ZHX2: variants seen among roughly 807,000 people sequenced by gnomAD.
ZHX2 encodes the protein zinc fingers and homeoboxes protein 2.
ZHX2 carries 6 observed loss-of-function variants against 21.9 expected under a neutral mutation model. The ratio of observed to expected loss-of-function variants is 0.27; its 90% CI spans 0.15 to 0.54. The LOEUF (loss-of-function observed/expected upper bound fraction) is 0.54, where lower values mean the gene tolerates loss of function less well. Ranked by LOEUF, ZHX2 falls within the 20% of genes least tolerant of loss-of-function variation. ZHX2 has a pLI of 0.95. For synonymous variants in ZHX2, 434 were observed against 437.1 expected, an observed-to-expected ratio of 0.99 and a Z score of 0.09; for missense variants, 908 against 1,090.7, an observed-to-expected ratio of 0.83 and a Z score of 2.36.
intron 2 of ZHX2, among the ~76,000 whole-genome samples, chr8:122,910,679 C>T (rs1471908014): frequency 2.0e-5 from 3 of 152,104 alleles, no homozygotes; most frequent in Admixed American, 6.5e-5. Flanking sequence ...GACCAACCCT[C>T]ACCCTGGAGG....
chr8:122,971,620 A>AATAAAAAATAAAAATTAAAAAAT (rs773947648), intron 3 of ZHX2, among the ~76,000 whole-genome samples: 5 of 149,694 alleles, frequency 3.3e-5, no homozygotes, highest in Non-Finnish European at 5.9e-5. Context: ...ACAAAAAAAA[A>AATAAAAAATAAAAATTAAAAAAT]AAAAAAAAAA....
chr8:122,801,534 T>C (rs1326616416), intron 1 of ZHX2, among the ~76,000 whole-genome samples: 1 of 149,222 alleles, frequency 6.7e-6, no homozygotes, highest in Non-Finnish European at 1.5e-5. Flanking sequence ...ACTGCTTGAG[T>C]GCCCAGCAGT....
intron 2 of ZHX2, among the ~76,000 whole-genome samples, chr8:122,941,349 C>T (rs761744505): frequency 6.6e-6 from 1 of 152,162 alleles, no homozygotes; most frequent in African/African-American, 2.4e-5. Context: ...AAAATGTGTC[C>T]GTTTGAGCAA....
intron 2 of ZHX2, among the ~76,000 whole-genome samples, chr8:122,948,414 C>T (rs1052219598): frequency 5.9e-5 from 9 of 152,130 alleles, no homozygotes. Context: ...CAAATTGTTC[C>T]TGTACTTCCA....
chr8:122,849,515 C>CT (rs1003886772), intron 1 of ZHX2, among the ~76,000 whole-genome samples: 16 of 152,102 alleles, frequency 1.1e-4, no homozygotes, highest in African/African-American at 1.4e-4. Flanking sequence ...TAGGGAACAT[C>CT]TTTTTTTTGC....
At chr8:122,859,362 A>G (rs1819107811) in intron 1 of ZHX2, among the ~76,000 whole-genome samples, 1 of 152,212 alleles carries the variant, frequency 6.6e-6, no homozygotes, top group Admixed American at 6.5e-5. Flanking sequence ...TAGTCAGTTG[A>G]GGATAATAAT....
At chr8:122,833,772 G>A (rs1818434523) in intron 1 of ZHX2, among the ~76,000 whole-genome samples, 1 of 152,108 alleles carries the variant, frequency 6.6e-6, no homozygotes, top group African/African-American at 2.4e-5. Context: ...CGAGGCGGGT[G>A]GATCACGAGG....
At chr8:122,850,454 A>C (rs1034990517) in intron 1 of ZHX2, among the ~76,000 whole-genome samples, 6 of 152,100 alleles carry the variant, frequency 3.9e-5, no homozygotes, top group African/African-American at 1.4e-4. Flanking sequence ...CCTGGCCAAC[A>C]TGGCGAAACC....
chr8:122,971,082 T>G (rs1472081027), intron 3 of ZHX2, among the ~76,000 whole-genome samples: 1 of 152,210 alleles, frequency 6.6e-6, no homozygotes, highest in Non-Finnish European at 1.5e-5. Context: ...AAGCCTCCAT[T>G]TCTTCGCTAT....
intron 2 of ZHX2, among the ~76,000 whole-genome samples, chr8:122,923,865 G>A (rs1820792082): frequency 6.6e-6 from 1 of 152,168 alleles, no homozygotes. Flanking sequence ...ACAGATTCCT[G>A]TCGATAACCA....
At position 122,947,092 on chromosome 8, in the gene ZHX2, CAAAAAAA is replaced by C. The variant is rs57090731; in HGVS notation, c.-219-4182_-219-4176del. On this transcript the variant is annotated intron_variant, in intron 2 of 3. Transcript: ENST00000314393. ...GCAACAGGGTGAAATCCTGTCTTTG[CAAAAAAA>C]AAAAAAAAAAAAAAAAATTAGTCAG... Among the ~76,000 whole-genome samples the C allele has an allele frequency of 3.9e-3, 265 of 67,274 alleles. 1 individual carries two copies. Among genetic ancestry groups the C allele is most frequent in the East Asian group, 0.037 (71 of 1,942 alleles). 44.1% of individuals were successfully genotyped at this position (67,274 alleles called of 152,430 possible).
At chr8:122,786,150 C>T (rs749072061) in intron 1 of ZHX2, among the ~76,000 whole-genome samples, 1 of 152,170 alleles carries the variant, frequency 6.6e-6, no homozygotes, top group Non-Finnish European at 1.5e-5. Context: ...ATCAGCTCTC[C>T]TTTCTGGATA....
chr8:122,911,116 G>C (rs572185161), intron 2 of ZHX2, among the ~76,000 whole-genome samples: 1 of 152,304 alleles, frequency 6.6e-6, no homozygotes, highest in East Asian at 1.9e-4. Flanking sequence ...ACACACGCAG[G>C]ATGGCCTCAT....
intron 1 of ZHX2, among the ~76,000 whole-genome samples, chr8:122,831,176 A>G (rs1183485494): frequency 6.6e-6 from 1 of 152,208 alleles, no homozygotes; most frequent in Non-Finnish European, 1.5e-5. Context: ...GAAAGTACAG[A>G]CAAAGACTAG....
chr8:122,833,785 A>T (rs1300721753), intron 1 of ZHX2, among the ~76,000 whole-genome samples: 4 of 152,140 alleles, frequency 2.6e-5, no homozygotes, highest in African/African-American at 7.2e-5. Context: ...TCACGAGGTC[A>T]GGAGATCGAG....
intron 2 of ZHX2, among the ~76,000 whole-genome samples, chr8:122,926,565 C>T (rs1047280736): frequency 4.6e-5 from 7 of 152,150 alleles, no homozygotes; most frequent in African/African-American, 7.2e-5. Flanking sequence ...TGCAGTTGTT[C>T]GCTGTCAGGT....
intron 1 of ZHX2, among the ~76,000 whole-genome samples, chr8:122,830,439 A>G (rs1818351123): frequency 6.6e-6 from 1 of 152,160 alleles, no homozygotes; most frequent in Non-Finnish European, 1.5e-5. Context: ...AGAATCTTAC[A>G]TTCCTGTCTA....
intron 2 of ZHX2, among the ~76,000 whole-genome samples, chr8:122,947,935 C>A (rs556705388): frequency 2.6e-5 from 4 of 151,662 alleles, no homozygotes; most frequent in Admixed American, 6.6e-5. Context: ...TCATGGCAGG[C>A]GGAGGCTGGA....
At chr8:122,795,948 ATCACCTGAGG>A (rs929198532) in intron 1 of ZHX2, among the ~76,000 whole-genome samples, 1 of 152,178 alleles carries the variant, frequency 6.6e-6, no homozygotes, top group Non-Finnish European at 1.5e-5. Context: ...GAGGAGGCAG[ATCACCTGAGG>A]TCAGGAGTTC....
Sources: allele counts gnomAD v4.1 joint callset (sites outside exome capture counted in the v4.1 genomes callset), GRCh38; gene constraint gnomAD v4.1.1; transcripts MANE v1.5; gene names NCBI Gene and HGNC (gene_info 2026-07-23, HGNC 2026-07-21).